UPF2: variants seen among roughly 807,000 people sequenced by gnomAD.
UPF2 encodes regulator of nonsense transcripts 2.
In UPF2, 17 loss-of-function variants were observed where a neutral mutation model predicts 141.4. The ratio of observed to expected loss-of-function variants is 0.12; its 90% CI spans 0.08 to 0.18. UPF2 has a LOEUF of 0.18. UPF2 is among the 10% of genes least tolerant of loss of function. UPF2 has a pLI of 1.00. For synonymous variants in UPF2, 540 were observed against 498.0 expected (o/e 1.08, Z -1.12); for missense variants, 1,152 against 1,515.9 (o/e 0.76, Z 3.99).
chr10:12,022,883 G>A (rs1190026031), intron 3 of UPF2, among the ~76,000 whole-genome samples: 1 of 151,980 alleles, frequency 6.6e-6, no homozygotes, highest in Non-Finnish European at 1.5e-5. Flanking sequence ...ATGGGCAGAC[G>A]AAAAAGTCTG....
At chr10:12,018,887 AG>A (rs1335576752) in intron 3 of UPF2, among the ~76,000 whole-genome samples, 1 of 152,238 alleles carries the variant, frequency 6.6e-6, no homozygotes, top group Non-Finnish European at 1.5e-5. Context: ...AAAGGTTTTC[AG>A]TTTAATTGTT....
At chr10:12,010,513 A>G (rs921999796) in intron 4 of UPF2, among the ~76,000 whole-genome samples, 1 of 152,244 alleles carries the variant, frequency 6.6e-6, no homozygotes, top group Non-Finnish European at 1.5e-5. Context: ...ACTTGAAGAC[A>G]TAACAACAGA....
At chr10:11,934,269 C>T (rs990589818) in intron 19 of UPF2, among the ~76,000 whole-genome samples, 4 of 152,182 alleles carry the variant, frequency 2.6e-5, no homozygotes, top group Non-Finnish European at 5.9e-5. Context: ...GCTCTGAGGA[C>T]AGCAGTCTTA....
Position 11,959,362 on chromosome 10 carries a change from A to AT in UPF2, c.2185-7dup, listed in dbSNP as rs1833205048. On this transcript the variant is annotated splice_region_variant and splice_polypyrimidine_tract_variant and intron_variant, in intron 11 of 21. Coordinates refer to ENST00000357604, the MANE Select transcript of UPF2 (RefSeq NM_015542.4). The surrounding 1 kb of genome is among the most constrained non-coding windows in gnomAD (Gnocchi z 5.9). ...TTCTTTCTCATCATTTGCTCCTGAA[A>AT]TAAAAAGTCCAAATTAATCAAAACA... 1 of 1,559,200 alleles carries AT rather than the reference A, an allele frequency of 6.4e-7. No individual in the cohort carries two copies. The highest frequency in any genetic ancestry group is 1.2e-5 in the South Asian group (1 of 81,704).
chr10:12,033,142 A>C (rs900927523), intron 2 of UPF2, among the ~76,000 whole-genome samples: 4 of 152,208 alleles, frequency 2.6e-5, no homozygotes, highest in Non-Finnish European at 5.9e-5. Context: ...AGTAGTGTAC[A>C]TCTGTAGTCC....
intron 18 of UPF2, among the ~76,000 whole-genome samples, chr10:11,938,914 C>T (rs925110893): frequency 1.6e-5 from 2 of 124,220 alleles, no homozygotes; most frequent in Non-Finnish European, 3.2e-5. Flanking sequence ...CCCCCCCATG[C>T]AGAGAGACTG....
chr10:12,032,566 C>T (rs1046268941), intron 2 of UPF2, among the ~76,000 whole-genome samples: 5 of 151,576 alleles, frequency 3.3e-5, no homozygotes, highest in Non-Finnish European at 7.4e-5. Flanking sequence ...AGCAAAACCC[C>T]GTCTCTACAA....
At chr10:12,037,459 G>C (rs1230288919) in intron 1 of UPF2, among the ~76,000 whole-genome samples, 1 of 146,464 alleles carries the variant, frequency 6.8e-6, no homozygotes, top group East Asian at 2.0e-4. Flanking sequence ...GCAGTGGTGT[G>C]ATCTCGGCTC....
rs140048481 is a variant in UPF2 at position 12,035,378 on chromosome 10, A to G, written c.46T>C (p.Ser16Pro). 12 of 1,597,804 alleles carry G rather than the reference A, an allele frequency of 7.5e-6. No homozygotes were observed. Among genetic ancestry groups the G allele is most frequent in the African/African-American group, 6.8e-5 (5 of 73,532 alleles). ...KKPASMEEKDSLPNNKEKDCS... is the reference protein window; with the variant it reads ...KKPASMEEKDPLPNNKEKDCS... ...TCTTTTTCCTTGTTGTTTGGTAAAGAGTCTTTTTCTTCCATACTTGCTGGC... is the reference window on the plus strand; with the variant it reads ...TCTTTTTCCTTGTTGTTTGGTAAAGGGTCTTTTTCTTCCATACTTGCTGGC... The change falls in exon 2 of 22, where the codon TCT (serine) becomes CCT (proline). Residue 16 changes from serine to proline, a missense_variant. By Grantham distance (74) the Ser-to-Pro change is moderately conservative. Transcript: ENST00000357604.
chr10:11,992,627 G>A lies in UPF2; in HGVS notation c.1844+5045C>T, dbSNP rs2131252405. Among the ~76,000 whole-genome samples the A allele has an allele frequency of 6.6e-6, 1 of 152,150 alleles. No homozygotes were observed. On this transcript the variant is annotated intron_variant, in intron 8 of 21. Transcript: ENST00000357604. This position sits in a 1 kb window ranked among gnomAD's most constrained non-coding sequence, Gnocchi z 4.1. The stretch of plus-strand genomic sequence containing the variant: ...AAGACCACATAATGAAAGACTTTTA[G>A]GAATTAAACCAAAAAGGAAAATATT...
chr10:11,943,266 A>G (rs1832959176), intron 16 of UPF2, 98 bp from the exon 17 acceptor site: 1 of 1,065,034 alleles, frequency 9.4e-7, no homozygotes, highest in Non-Finnish European at 1.4e-6. Context: ...ATAATTGTTT[A>G]TTATTCTCAA....
At position 11,920,522 on chromosome 10, in the gene UPF2, C is replaced by G. The variant is rs886645536; in HGVS notation, c.*776G>C. On this transcript the variant is annotated 3_prime_UTR_variant, in exon 22 of 22. Coordinates refer to ENST00000357604, the MANE Select transcript of UPF2 (RefSeq NM_015542.4). ...CGGGCATGTTTTGTTTTCAATGATA[C>G]TTACAATGGGCTCACCTAGATCCCT... 6.5e-6 allele frequency: 1 copy of G among 153,602 alleles called. No homozygotes were observed. The highest frequency in any genetic ancestry group is 1.4e-5 in the Non-Finnish European group (1 of 68,988). The allele number at this position is 153,602 out of a possible 1,614,324, so 9.5% of individuals were successfully genotyped here.
rs1284961176 is a variant in UPF2, at chr10:11,935,323, A to G, written c.3546+1222T>C. ...GGAAGGACTCTGGCTAACTGCCTCT[A>G]TATTCTGCACACAGAAGTGCCTGGT... is the stretch of plus-strand genomic sequence containing the variant. On this transcript the variant is annotated intron_variant, in intron 19 of 21. Coordinates refer to ENST00000357604, the MANE Select transcript of UPF2 (RefSeq NM_015542.4). The surrounding 1 kb of genome is among the most constrained non-coding windows in gnomAD (Gnocchi z 4.9). Among the ~76,000 whole-genome samples, 1 of 152,214 alleles carries G rather than the reference A, an allele frequency of 6.6e-6. No individual in the cohort carries two copies. Among genetic ancestry groups the G allele is most frequent in the Non-Finnish European group, 1.5e-5 (1 of 68,044 alleles).
intron 5 of UPF2, among the ~76,000 whole-genome samples, chr10:12,002,247 A>G (rs537871052): frequency 6.6e-6 from 1 of 152,292 alleles, no homozygotes; most frequent in Non-Finnish European, 1.5e-5. Flanking sequence ...CTTGAGCCTG[A>G]GCAAAAAGGG....
intron 2 of UPF2, among the ~76,000 whole-genome samples, chr10:12,033,731 T>C (rs562391213): frequency 3.9e-4 from 59 of 152,316 alleles, no homozygotes; most frequent in Non-Finnish European, 6.8e-4. Flanking sequence ...TTTTTCTTCA[T>C]AGAGACAGGG....
At chr10:11,958,445 A>G (rs889159264) in intron 12 of UPF2, among the ~76,000 whole-genome samples, 3 of 152,206 alleles carry the variant, frequency 2.0e-5, no homozygotes, top group Admixed American at 1.3e-4. Context: ...GCCATTCTAT[A>G]CTTTTCAAAC....
At chr10:12,033,491 C>G (rs922414070) in intron 2 of UPF2, among the ~76,000 whole-genome samples, 2 of 152,102 alleles carry the variant, frequency 1.3e-5, no homozygotes, top group African/African-American at 4.8e-5. Context: ...TGGCATTGTA[C>G]CACTACACTC....
intron 9 of UPF2, among the ~76,000 whole-genome samples, chr10:11,977,501 C>T (rs1283478187): frequency 1.3e-5 from 2 of 152,118 alleles, no homozygotes; most frequent in Non-Finnish European, 2.9e-5. Flanking sequence ...TGAGAGAGTA[C>T]ATATAGACAG....
chr10:11,948,472 G>A lies in UPF2; in HGVS notation c.3071C>T (p.Thr1024Ile). Reference protein sequence around the residue: ...VNDKDSKDSMTEGENLEEDEE... With the variant: ...VNDKDSKDSMIEGENLEEDEE... Reference sequence around the variant, plus strand: ...ATCCTCTTCAAGATTTTCTCCTTCTGTCATAGAATCTTTTGAGTCTTTGTC... The same window carrying A: ...ATCCTCTTCAAGATTTTCTCCTTCTATCATAGAATCTTTTGAGTCTTTGTC... The change falls in exon 16 of 22, where the codon ACA (threonine) becomes ATA (isoleucine). Residue 1024 changes from threonine (T) to isoleucine (I), a missense_variant. Around this residue, in one of 4 missense-constraint regions of UPF2, gnomAD observed 202 missense variants for 223.6 expected, o/e 0.90. Transcript: ENST00000357604. 6.2e-7 allele frequency: 1 copy of A among 1,612,766 alleles called. No individual in the cohort carries two copies. The highest frequency in any genetic ancestry group is 8.5e-7 in the Non-Finnish European group (1 of 1,179,872).
Sources: allele counts gnomAD v4.1 joint callset (sites outside exome capture counted in the v4.1 genomes callset), GRCh38; gene constraint gnomAD v4.1.1; regional missense constraint gnomAD v4.1.1; non-coding constraint Gnocchi (gnomAD v3.1); transcripts MANE v1.5; gene names NCBI Gene and HGNC (gene_info 2026-07-23, HGNC 2026-07-21).